Variants in USH2A observed in about 807,000 individuals in gnomAD.
USH2A encodes Usher syndrome 2A (autosomal recessive, mild).
USH2A carries 443 observed loss-of-function variants against 538.9 expected under a neutral mutation model. That is an observed-to-expected ratio of 0.82 (90% CI 0.76 to 0.89). The LOEUF is 0.89. USH2A is among the 40% of genes least tolerant of loss of function. The pLI is 0.00. For missense variants in USH2A, 6,633 were observed against 6,324.8 expected (o/e 1.05, Z -1.65); for synonymous variants, 2,413 against 2,273.5 (o/e 1.06, Z -1.75).
chr1:215,782,725 G>A lies in USH2A; in HGVS notation c.10585+13C>T, dbSNP rs1411275301. On this transcript the variant is annotated intron_variant, in intron 53 of 71. Transcript: ENST00000307340. ...GGGATTTTGTTATTTGTATTTTAAA[G>A]GTATCTCAATACCATTTGATTGTAT... 2.5e-6 allele frequency: 4 copies of A among 1,610,860 alleles called. No homozygotes were observed. The highest frequency in any genetic ancestry group is 2.7e-5 in the African/African-American group (2 of 74,820).
Position 215,888,896 on chromosome 1 carries a change from A to T in USH2A, c.7753T>A (p.Cys2585Ser). ...TATGGGTGTAAATGCATCACTGTGC[A>T]ATTAGTGACATTTCCAGGAGTTCTC... is the stretch of plus-strand genomic sequence containing the variant. ...YLRTPGNVTN[C>S]TVMHLHPYTA... Residue 2585 changes from cysteine (C) to serine (S), a missense_variant, in exon 41 of 72, where the codon TGC becomes AGC. Coordinates refer to ENST00000307340, the MANE Select transcript of USH2A (RefSeq NM_206933.4). 6.2e-7 allele frequency: 1 copy of T among 1,614,164 alleles called. No homozygotes were observed. The highest frequency in any genetic ancestry group is 8.5e-7 in the Non-Finnish European group (1 of 1,179,998).
At chr1:216,142,317 G>T (rs997093881) in intron 21 of USH2A, among the ~76,000 whole-genome samples, 1 of 152,178 alleles carries the variant, frequency 6.6e-6, no homozygotes, top group Non-Finnish European at 1.5e-5. Context: ...AAAGTGCTGA[G>T]TTTATTTCAC....
chr1:215,893,122 T>A (rs1370765513), intron 40 of USH2A, among the ~76,000 whole-genome samples: 1 of 152,152 alleles, frequency 6.6e-6, no homozygotes, highest in Non-Finnish European at 1.5e-5. Flanking sequence ...TGGGCAAAAC[T>A]TATCTGAATT....
At chr1:215,997,225 T>C (rs1668161721) in intron 34 of USH2A, among the ~76,000 whole-genome samples, 1 of 152,074 alleles carries the variant, frequency 6.6e-6, no homozygotes, top group African/African-American at 2.4e-5. Flanking sequence ...CTAATAAATA[T>C]AGTGAACTTG....
intron 29 of USH2A, among the ~76,000 whole-genome samples, chr1:216,072,271 G>GT (rs1054768021): frequency 4.7e-4 from 71 of 152,300 alleles, no homozygotes; most frequent in African/African-American, 1.3e-3. Context: ...TTTGTGGCCA[G>GT]TCAGAAGTAC....
chr1:215,652,049 C>T (rs996191559), intron 64 of USH2A, among the ~76,000 whole-genome samples: 1 of 152,198 alleles, frequency 6.6e-6, no homozygotes, highest in South Asian at 2.1e-4. Flanking sequence ...CGGATACATC[C>T]TCTCATCATT....
chr1:216,306,229 G>A (rs1390706000), intron 9 of USH2A, among the ~76,000 whole-genome samples: 1 of 150,508 alleles, frequency 6.6e-6, no homozygotes, highest in Non-Finnish European at 1.5e-5. Flanking sequence ...CTTTGTCTTT[G>A]TTTGATTGGG....
intron 13 of USH2A, among the ~76,000 whole-genome samples, chr1:216,244,280 A>T (rs1377957899): frequency 6.6e-6 from 1 of 152,152 alleles, no homozygotes; most frequent in Admixed American, 6.6e-5. Context: ...GTGACTGAAG[A>T]AGATGGGAGA....
intron 67 of USH2A, among the ~76,000 whole-genome samples, chr1:215,642,772 C>A (rs1656728597): frequency 6.6e-6 from 1 of 152,026 alleles, no homozygotes; most frequent in African/African-American, 2.4e-5. Flanking sequence ...CACTTGAGAG[C>A]AGTAATGGGG....
intron 44 of USH2A, among the ~76,000 whole-genome samples, chr1:215,858,533 G>A (rs745647227): frequency 2.7e-5 from 4 of 149,354 alleles, no homozygotes; most frequent in African/African-American, 7.5e-5. Context: ...TGCCATGATC[G>A]TAAGTTTCCT....
intron 21 of USH2A, among the ~76,000 whole-genome samples, chr1:216,153,783 A>G (rs1438909815): frequency 6.6e-6 from 1 of 152,222 alleles, no homozygotes; most frequent in Non-Finnish European, 1.5e-5. Context: ...AGCTCTGTAA[A>G]TTAAAGTTCT....
At chr1:216,160,226 G>C (rs1474956405) in intron 21 of USH2A, among the ~76,000 whole-genome samples, 1 of 151,840 alleles carries the variant, frequency 6.6e-6, no homozygotes, top group Non-Finnish European at 1.5e-5. Context: ...TTCTTCTTGA[G>C]TGGGAAGCTA....
chr1:215,766,774 T>A lies in USH2A; in HGVS notation c.10954A>T (p.Thr3652Ser). The change falls in exon 56 of 72, where the codon ACC becomes TCC. Residue 3652 changes from threonine (T) to serine (S), a missense_variant. Thr to Ser is a moderately conservative substitution (Grantham distance 58). Coordinates refer to ENST00000307340, the MANE Select transcript of USH2A (RefSeq NM_206933.4). ...GCTGTAAGAGTGAAGCTGTAGTTGG[T>A]GTATGGCTGGAGACCTAGAAAAAGC... is the stretch of plus-strand genomic sequence containing the variant. ...QHTVTGLQPY[T>S]NYSFTLTACT... is the part of the protein sequence containing the mutation. 1.2e-6 allele frequency: 2 copies of A among 1,613,556 alleles called. No homozygotes were observed. Among genetic ancestry groups the A allele is most frequent in the Non-Finnish European group, 1.7e-6 (2 of 1,179,570 alleles).
chr1:216,084,072 G>T (rs2032038192), intron 25 of USH2A, among the ~76,000 whole-genome samples: 1 of 152,052 alleles, frequency 6.6e-6, no homozygotes, highest in Admixed American at 6.6e-5. Context: ...CAAGCCGGGT[G>T]CACCAAGCCA....
chr1:215,759,320 G>A (rs1423496979), intron 57 of USH2A, among the ~76,000 whole-genome samples: 3 of 152,020 alleles, frequency 2.0e-5, no homozygotes, highest in South Asian at 2.1e-4. Context: ...GAGAGTTGAC[G>A]GAAAACAAAA....
At chr1:215,903,506 C>T (rs763898371) in intron 38 of USH2A, among the ~76,000 whole-genome samples, 10 of 151,960 alleles carry the variant, frequency 6.6e-5, no homozygotes, top group Non-Finnish European at 2.9e-5. Context: ...GGAAATGATA[C>T]CGTAAAAGAA....
chr1:216,259,612 G>A (rs557821466), intron 11 of USH2A, among the ~76,000 whole-genome samples: 6 of 151,958 alleles, frequency 3.9e-5, no homozygotes, highest in Non-Finnish European at 7.4e-5. Context: ...ATTAAGACAC[G>A]ATTTATCCAT....
Position 216,216,471 on chromosome 1 carries a change from CA to C in USH2A, c.3157+915del, listed in dbSNP as rs2035343583. ...TAAATGTAGATAGCAGAGTTCCAGG[CA>C]TGCTGGTTTGTGATGATCTGTCATG... is the stretch of plus-strand genomic sequence containing the variant. On this transcript the variant is annotated intron_variant, in intron 15 of 71. Transcript: ENST00000307340. 1.3e-5 allele frequency among the ~76,000 whole-genome samples: 2 copies of C among 152,018 alleles called. 1 individual carries two copies. The highest frequency in any genetic ancestry group is 4.1e-4 in the South Asian group (2 of 4,828).
At chr1:216,148,802 G>A (rs1169018323) in intron 21 of USH2A, among the ~76,000 whole-genome samples, 11 of 150,604 alleles carry the variant, frequency 7.3e-5, no homozygotes, top group Non-Finnish European at 1.6e-4. Flanking sequence ...TCTCAAACAT[G>A]CCTTCTTTAC....
Sources: gnomAD v4.1 joint callset for allele counts (sites outside exome capture counted in the v4.1 genomes callset) on GRCh38, gnomAD v4.1.1 for gene constraint, MANE v1.5 for transcripts, NCBI Gene and HGNC (gene_info 2026-07-23, HGNC 2026-07-21) for gene names.